The following NBAS variants were observed in gnomAD, a reference collection of about 807,000 sequenced individuals.
NBAS encodes NBAS subunit of NRZ tethering complex.
Under a neutral mutation model 302.5 loss-of-function variants are expected in NBAS, and 219 were observed. The observed-to-expected ratio is 0.72, with a 90% CI of 0.65 to 0.81. The LOEUF is 0.81. NBAS is among the 30% of genes least tolerant of loss of function. The pLI is 0.00. For synonymous variants in NBAS, 1,118 were observed against 1,021.6 expected, an observed-to-expected ratio of 1.09 and a Z score of -1.80; for missense variants, 2,932 against 2,841.6, an observed-to-expected ratio of 1.03 and a Z score of -0.72.
chr2:15,119,746 G>A, the NBAS span, among the ~76,000 whole-genome samples: 1 of 152,216 alleles, frequency 6.6e-6, no homozygotes, highest in Non-Finnish European at 1.5e-5. Context: ...CATGTACTCA[G>A]GGCCCTACAG....
chr2:14,835,533 C>T, the NBAS span, among the ~76,000 whole-genome samples: 1 of 151,802 alleles, frequency 6.6e-6, no homozygotes, highest in Non-Finnish European at 1.5e-5. Flanking sequence ...ATCTATTTTA[C>T]CACCTAATGA....
rs546558998 is a variant in NBAS at position 15,308,375 on chromosome 2, T to C, written c.4660-22A>G. On this transcript the variant is annotated intron_variant, in intron 39 of 51. Transcript: ENST00000281513. ...ACACCTAGGAGGGAACATGTTAGAA[T>C]TAACTCAGCTGAAAGGAAATTATGA... 16 of 1,612,740 alleles carry C rather than the reference T, an allele frequency of 9.9e-6. No homozygotes were observed. In the Admixed American group the frequency reaches 2.3e-4, roughly 24 times the overall value.
intron 44 of NBAS, among the ~76,000 whole-genome samples, chr2:15,262,579 T>C (rs1200300565): frequency 1.3e-5 from 2 of 152,200 alleles, no homozygotes; most frequent in Non-Finnish European, 2.9e-5. Context: ...TATAAACCTG[T>C]CTCTTTCTAC....
chr2:15,202,714 T>G (rs1665938449), intron 48 of NBAS, among the ~76,000 whole-genome samples: 1 of 152,118 alleles, frequency 6.6e-6, no homozygotes, highest in South Asian at 2.1e-4. Context: ...TAATTTTGCA[T>G]TTTTAGTAGA....
the NBAS span, among the ~76,000 whole-genome samples, chr2:15,105,247 G>A: frequency 9.9e-5 from 15 of 152,016 alleles, no homozygotes; most frequent in African/African-American, 2.4e-4. Flanking sequence ...ATCAAACACC[G>A]GGGCCTGTCA....
chr2:14,989,061 A>C, the NBAS span, among the ~76,000 whole-genome samples: 3 of 152,192 alleles, frequency 2.0e-5, no homozygotes, highest in Non-Finnish European at 4.4e-5. Flanking sequence ...GCACATCTTC[A>C]ATGGAACACT....
At chr2:15,037,559 G>T in the NBAS span, among the ~76,000 whole-genome samples, 38 of 152,102 alleles carry the variant, frequency 2.5e-4, no homozygotes, top group Admixed American at 1.5e-3. Flanking sequence ...ATTAGAAAAA[G>T]AATACAAAAT....
intron 12 of NBAS, among the ~76,000 whole-genome samples, chr2:15,483,021 TAG>T (rs1558380064): frequency 6.6e-6 from 1 of 152,188 alleles, no homozygotes; most frequent in African/African-American, 2.4e-5. Context: ...AGAATAGTTA[TAG>T]GTTTTGTACA....
the NBAS span, among the ~76,000 whole-genome samples, chr2:15,068,027 T>C: frequency 2.6e-4 from 40 of 152,232 alleles, no homozygotes; most frequent in African/African-American, 9.6e-4. Flanking sequence ...AACACATTGA[T>C]AATTTCTCCA....
At chr2:15,493,235 T>G (rs1353276199) in intron 11 of NBAS, among the ~76,000 whole-genome samples, 1 of 152,234 alleles carries the variant, frequency 6.6e-6, no homozygotes, top group African/African-American at 2.4e-5. Flanking sequence ...TCAATTAAAC[T>G]TCCTTTCTTT....
At chr2:15,043,391 T>G in the NBAS span, among the ~76,000 whole-genome samples, 1 of 152,188 alleles carries the variant, frequency 6.6e-6, no homozygotes, top group Non-Finnish European at 1.5e-5. Flanking sequence ...GCCCATCTTG[T>G]CTTTCATAGG....
chr2:15,178,876 T>A, intron 51 of NBAS, 112 bp downstream of exon 51: 1 of 1,443,552 alleles, frequency 6.9e-7, no homozygotes, highest in Non-Finnish European at 9.6e-7. Context: ...ATACTATAGA[T>A]ATAGTAGTCT....
At chr2:15,381,292 A>G (rs1675023009) in intron 29 of NBAS, among the ~76,000 whole-genome samples, 1 of 152,098 alleles carries the variant, frequency 6.6e-6, no homozygotes, top group South Asian at 2.1e-4. Flanking sequence ...CAAGGACAGC[A>G]AAATCTAACA....
chr2:15,122,260 T>C, the NBAS span, among the ~76,000 whole-genome samples: 2 of 152,102 alleles, frequency 1.3e-5, no homozygotes, highest in Non-Finnish European at 2.9e-5. Flanking sequence ...GCTTTATAGA[T>C]TGGCTCACGA....
At chr2:15,274,079 C>CA (rs199936467) in intron 44 of NBAS, among the ~76,000 whole-genome samples, 114 of 135,676 alleles carry the variant, frequency 8.4e-4, no homozygotes, top group Non-Finnish European at 9.5e-4. Flanking sequence ...GACTCCGTCT[C>CA]AAAAAAAAAA....
chr2:15,396,562 A>C, intron 26 of NBAS, 87 bp from the exon 27 acceptor site: 3 of 884,914 alleles, frequency 3.4e-6, no homozygotes, highest in Non-Finnish European at 3.5e-6. Context: ...AAGTGAAAAA[A>C]AGATGTTTCT....
intron 40 of NBAS, among the ~76,000 whole-genome samples, chr2:15,302,739 C>A (rs1398775483): frequency 6.6e-6 from 1 of 152,122 alleles, no homozygotes; most frequent in Non-Finnish European, 1.5e-5. Context: ...GAGGGTGTTG[C>A]CAAAGAAGGT....
At chr2:15,056,309 C>A in the NBAS span, among the ~76,000 whole-genome samples, 1 of 152,142 alleles carries the variant, frequency 6.6e-6, no homozygotes, top group Non-Finnish European at 1.5e-5. Flanking sequence ...TGTGGTTATG[C>A]GGAAGACTGT....
intron 51 of NBAS, among the ~76,000 whole-genome samples, chr2:15,168,291 A>G (rs780540115): frequency 6.6e-6 from 1 of 152,236 alleles, no homozygotes; most frequent in Non-Finnish European, 1.5e-5. Flanking sequence ...GCAACTGTAC[A>G]CAATGTGCTC....
Sources: allele counts gnomAD v4.1 joint callset (sites outside exome capture counted in the v4.1 genomes callset), GRCh38; gene constraint gnomAD v4.1.1; transcripts MANE v1.5; gene names NCBI Gene and HGNC (gene_info 2026-07-23, HGNC 2026-07-21).